CIB4: variants seen among roughly 807,000 people sequenced by gnomAD.
CIB4 encodes calcium and integrin-binding family member 4.
Under a neutral mutation model 25.8 loss-of-function variants are expected in CIB4, and 25 were observed. The observed-to-expected ratio is 0.97, with a 90% confidence interval of 0.71 to 1.35. CIB4 has a LOEUF of 1.35. Ranked by LOEUF, CIB4 falls within the 40% of genes most tolerant of loss-of-function variation. CIB4 has a pLI of 0.00. For synonymous variants in CIB4, 75 were observed against 81.4 expected (o/e 0.92, Z 0.42); for missense variants, 235 against 228.2 (o/e 1.03, Z -0.19).
At chr2:26,628,491 G>C (rs1240784375) in intron 3 of CIB4, among the ~76,000 whole-genome samples, 4 of 152,196 alleles carry the variant, frequency 2.6e-5, no homozygotes. Context: ...GTGTGTTCTA[G>C]GTGGTTGGAA....
intron 3 of CIB4, among the ~76,000 whole-genome samples, chr2:26,615,614 C>A (rs1014132616): frequency 3.3e-5 from 5 of 152,222 alleles, no homozygotes; most frequent in African/African-American, 1.2e-4. Context: ...GCTTTCCTCG[C>A]TACCTTCCTC....
rs77945081 is a variant in CIB4 at position 26,611,074 on chromosome 2, G to A, written c.187-15757C>T. ...AAATGCCCCGTGAATCCCTGCATTT[G>A]CTGGGGTGGCCAGATGAACTGATGA... On this transcript the variant is annotated intron_variant, in intron 3 of 6. Coordinates refer to ENST00000288861, the MANE Select transcript of CIB4 (RefSeq NM_001029881.3). Among the ~76,000 whole-genome samples the A allele has an allele frequency of 9.1e-3, 1,388 of 152,324 alleles. 26 individuals carry two copies. Among genetic ancestry groups the A allele is most frequent in the African/African-American group, 0.032 (1,341 of 41,558 alleles).
chr2:26,600,607 G>A (rs1668763578), intron 3 of CIB4, among the ~76,000 whole-genome samples: 1 of 152,164 alleles, frequency 6.6e-6, no homozygotes, highest in African/African-American at 2.4e-5. Flanking sequence ...CACCCAGAAA[G>A]GCACTGCCCA....
chr2:26,582,355 G>A (rs1414095306), intron 6 of CIB4, among the ~76,000 whole-genome samples: 1 of 152,210 alleles, frequency 6.6e-6, no homozygotes, highest in African/African-American at 2.4e-5. Context: ...TCTCAAGGAC[G>A]TTTGGGCCTC....
intron 3 of CIB4, among the ~76,000 whole-genome samples, chr2:26,601,367 A>C (rs1432018289): frequency 6.6e-6 from 1 of 151,602 alleles, no homozygotes; most frequent in Non-Finnish European, 1.5e-5. Context: ...ACAGACCCAC[A>C]CATATATGGC....
At chr2:26,595,771 G>A (rs7597392) in intron 3 of CIB4, among the ~76,000 whole-genome samples, 9,204 of 152,276 alleles carry the variant, frequency 0.06, 440 homozygotes, top group South Asian at 0.12. Flanking sequence ...AGCCAGCCAG[G>A]GAATGAGATA....
intron 3 of CIB4, among the ~76,000 whole-genome samples, chr2:26,597,990 A>G (rs1420225826): frequency 6.6e-6 from 1 of 152,044 alleles, no homozygotes; most frequent in Non-Finnish European, 1.5e-5. Context: ...TCCCTCTAAA[A>G]TTCTTACTTT....
intron 2 of CIB4, among the ~76,000 whole-genome samples, chr2:26,638,134 C>A (rs1669568310): frequency 6.6e-6 from 1 of 152,226 alleles, no homozygotes; most frequent in South Asian, 2.1e-4. Flanking sequence ...ACAGAAAGAG[C>A]TTTAAGAACT....
intron 2 of CIB4, among the ~76,000 whole-genome samples, chr2:26,631,165 G>T (rs1276664434): frequency 6.6e-6 from 1 of 152,174 alleles, no homozygotes; most frequent in Non-Finnish European, 1.5e-5. Flanking sequence ...TCTGATTGGT[G>T]GAATTTAGGG....
At chr2:26,592,654 TTC>T (rs921021033) in intron 4 of CIB4, among the ~76,000 whole-genome samples, 5 of 152,234 alleles carry the variant, frequency 3.3e-5, no homozygotes, top group Non-Finnish European at 7.3e-5. Context: ...TGAATAATTT[TTC>T]TCTCTGTTCT....
intron 3 of CIB4, among the ~76,000 whole-genome samples, chr2:26,614,371 C>T (rs757804297): frequency 9.2e-5 from 14 of 152,212 alleles, no homozygotes; most frequent in Non-Finnish European, 1.9e-4. Flanking sequence ...GCCCCTTCCC[C>T]AGGCCCTCAT....
intron 4 of CIB4, among the ~76,000 whole-genome samples, chr2:26,589,278 T>TCTTTCCTCCTCCTC (rs1403688401): frequency 1.3e-5 from 2 of 148,670 alleles, no homozygotes; most frequent in African/African-American, 2.5e-5. Context: ...TCCTCCTCCT[T>TCTTTCCTCCTCCTC]CTTTCCTCCT....
At chr2:26,596,526 C>G (rs1668685841) in intron 3 of CIB4, among the ~76,000 whole-genome samples, 1 of 152,066 alleles carries the variant, frequency 6.6e-6, no homozygotes, top group Non-Finnish European at 1.5e-5. Context: ...GGTGGATCAC[C>G]TGAGGTCAGG....
At chr2:26,609,819 G>A (rs1047558998) in intron 3 of CIB4, among the ~76,000 whole-genome samples, 3 of 152,090 alleles carry the variant, frequency 2.0e-5, no homozygotes, top group Non-Finnish European at 4.4e-5. Context: ...CAGTTTATAC[G>A]TTTTCCCACG....
intron 3 of CIB4, among the ~76,000 whole-genome samples, chr2:26,608,706 C>T (rs1668941040): frequency 6.6e-6 from 1 of 152,102 alleles, no homozygotes; most frequent in Admixed American, 6.5e-5. Context: ...CAGACCACAC[C>T]CAGCCTCACT....
intron 2 of CIB4, among the ~76,000 whole-genome samples, chr2:26,632,871 T>C (rs1669450005): frequency 6.6e-6 from 1 of 152,030 alleles, no homozygotes; most frequent in South Asian, 2.1e-4. Context: ...CTTGAGGTGA[T>C]AAAGAACAGA....
chr2:26,624,449 G>T (rs945672789), intron 3 of CIB4, among the ~76,000 whole-genome samples: 4 of 152,198 alleles, frequency 2.6e-5, no homozygotes, highest in Non-Finnish European at 5.9e-5. Flanking sequence ...CCAAAAGCTG[G>T]TCTGAGCACT....
At chr2:26,590,637 G>T (rs952715671) in intron 4 of CIB4, among the ~76,000 whole-genome samples, 4 of 151,826 alleles carry the variant, frequency 2.6e-5, no homozygotes, top group African/African-American at 9.7e-5. Context: ...GACTTACTAC[G>T]CAGGCTCAGG....
intron 4 of CIB4, among the ~76,000 whole-genome samples, chr2:26,592,995 C>T (rs986915158): frequency 6.6e-6 from 1 of 152,142 alleles, no homozygotes; most frequent in African/African-American, 2.4e-5. Context: ...AAGAGACTGG[C>T]ATTTGAATCA....
Sources: allele counts gnomAD v4.1 joint callset (sites outside exome capture counted in the v4.1 genomes callset), GRCh38; gene constraint gnomAD v4.1.1; transcripts MANE v1.5; gene names NCBI Gene and HGNC (gene_info 2026-07-23, HGNC 2026-07-21).